Variants in GSPT1 observed in about 807,000 individuals in gnomAD.
The protein encoded by GSPT1 is G1 to S phase transition 1.
GSPT1 carries 20 observed loss-of-function variants against 72.5 expected under a neutral mutation model. The ratio of observed to expected loss-of-function variants is 0.28; its 90% confidence interval spans 0.19 to 0.40. GSPT1 has a LOEUF of 0.40. GSPT1 is among the 10% of genes least tolerant of loss of function. The pLI is 1.00. For synonymous variants in GSPT1, 334 were observed against 293.5 expected, an observed-to-expected ratio of 1.14 and a Z score of -1.41; for missense variants, 580 against 811.9, an observed-to-expected ratio of 0.71 and a Z score of 3.47.
chr16:11,896,569 A>G lies in GSPT1; in HGVS notation c.653T>C (p.Ile218Thr), dbSNP rs751373662. 2.5e-6 allele frequency: 4 copies of G among 1,590,424 alleles called. No homozygotes were observed. Among genetic ancestry groups the G allele is most frequent in the Middle Eastern group, 1.7e-4 (1 of 6,034 alleles). Residue 218 changes from isoleucine to threonine, a missense_variant, in exon 4 of 15, where the codon ATT becomes ACT. By Grantham distance (89) the Ile-to-Thr change is moderately conservative (BLOSUM62 -1). Around this residue, in one of 6 missense-constraint regions of GSPT1, gnomAD observed 51 missense variants for 118.2 expected, o/e 0.43. Transcript: ENST00000434724. ...PKKEHVNVVFIGHVDAGKSTI... is the reference protein window; with the variant it reads ...PKKEHVNVVFTGHVDAGKSTI... Reference sequence around the variant, plus strand: ...TGAGAGCAGCTTACCTACGTGCCCAATGAATACTACATTTACATGCTCTTT... The same window carrying G: ...TGAGAGCAGCTTACCTACGTGCCCAGTGAATACTACATTTACATGCTCTTT...
At chr16:11,912,151 T>G (rs1307713550) in intron 1 of GSPT1, among the ~76,000 whole-genome samples, 1 of 149,778 alleles carries the variant, frequency 6.7e-6, no homozygotes, top group East Asian at 2.0e-4. Flanking sequence ...AAGACCAGCC[T>G]AGCCAACATG....
chr16:11,886,400 T>C (rs984794478), intron 9 of GSPT1, 71 bp downstream of exon 9: 10 of 975,214 alleles, frequency 1.0e-5, no homozygotes, highest in Non-Finnish European at 1.6e-5. Flanking sequence ...TTACTCAGCA[T>C]ATGTCTTTAT....
intron 1 of GSPT1, among the ~76,000 whole-genome samples, 153 bp from the exon 2 acceptor site, chr16:11,898,188 T>G (rs894657458): frequency 3.9e-5 from 6 of 152,224 alleles, no homozygotes; most frequent in African/African-American, 1.4e-4. Flanking sequence ...GCCTTCAAGT[T>G]AGAAGTCTCT....
Position 11,915,555 on chromosome 16 carries a change from C to A in GSPT1, c.166G>T (p.Ala56Ser), listed in dbSNP as rs1270627672. Residue 56 changes from alanine to serine, a missense_variant, in exon 1 of 15, where the codon GCC (alanine) becomes TCC (serine). Ala to Ser is a moderately conservative substitution (Grantham distance 99). This residue lies in a region of GSPT1 where 327 missense variants were observed against 298.8 expected (regional missense o/e 1.09). Coordinates refer to ENST00000434724, the MANE Select transcript of GSPT1 (RefSeq NM_002094.4). ...GGGSLAAAAE[A>S]QRENLSAAFS... is the part of the protein sequence containing the mutation. The stretch of plus-strand genomic sequence containing the variant: ...GCCGCGCTGAGGTTCTCCCGCTGGG[C>A]CTCGGCCGCCGCCGCCAGGGAGCCG... 6.7e-7 allele frequency: 1 copy of A among 1,494,068 alleles called. No homozygotes were observed. Among genetic ancestry groups the A allele is most frequent in the Non-Finnish European group, 8.9e-7 (1 of 1,121,758 alleles). 92.6% of individuals were successfully genotyped at this position (1,494,068 alleles called of 1,614,324 possible).
rs373939888 is a variant in GSPT1 at position 11,915,442 on chromosome 16, C to G, written c.279G>C (p.Pro93=). 1.8e-5 allele frequency: 28 copies of G among 1,530,080 alleles called. No individual in the cohort carries two copies. Among genetic ancestry groups the G allele is most frequent in the East Asian group, 2.8e-5 (1 of 35,972 alleles). 94.8% of individuals were successfully genotyped at this position (1,530,080 alleles called of 1,614,324 possible). A position where few individuals can be genotyped will look rare whatever the true frequency, so the allele number is the denominator to read the frequency against. The change falls in exon 1 of 15, where the codon CCG becomes CCC. Residue 93 remains proline, a synonymous_variant. Transcript: ENST00000434724. The part of the protein sequence containing the change: ...AEFVPSFLRG[P]AAPPPPVGGA... The stretch of plus-strand genomic sequence containing the variant: ...CGCCAACTGGGGGTGGCGGCGCTGC[C>G]GGGCCCCGCAGGAAGGACGGCACGA...
At chr16:11,903,423 C>G (rs1447121790) in intron 1 of GSPT1, among the ~76,000 whole-genome samples, 3 of 152,160 alleles carry the variant, frequency 2.0e-5, no homozygotes, top group Non-Finnish European at 4.4e-5. Context: ...CCAGGAGAAT[C>G]TGGCAATCTT....
intron 11 of GSPT1, among the ~76,000 whole-genome samples, chr16:11,879,884 C>A (rs1393568443): frequency 6.6e-6 from 1 of 151,856 alleles, no homozygotes; most frequent in Non-Finnish European, 1.5e-5. Flanking sequence ...CAAAATTTAC[C>A]ATCATAACCA....
intron 1 of GSPT1, among the ~76,000 whole-genome samples, chr16:11,911,827 C>T (rs575957089): frequency 2.2e-4 from 31 of 137,896 alleles, no homozygotes; most frequent in Non-Finnish European, 3.7e-4. Flanking sequence ...GCTGGGATTA[C>T]AGGCATGAGC....
chr16:11,878,168 T>A (rs557592223), intron 11 of GSPT1, among the ~76,000 whole-genome samples: 3 of 152,308 alleles, frequency 2.0e-5, no homozygotes, highest in African/African-American at 7.2e-5. Flanking sequence ...CAGGCTGGAG[T>A]GCAGTGGTGC....
At position 11,877,068 on chromosome 16, in the gene GSPT1, G is replaced by C. The variant is rs1162551827; in HGVS notation, c.1602+339C>G. ...TGTGATTTCTTGTCTGGAAAGCTAT[G>C]TGCTGTCAATGAGCACATAAACCAT... On this transcript the variant is annotated intron_variant, in intron 12 of 14. Transcript: ENST00000434724. This position sits in a 1 kb window ranked among gnomAD's most constrained non-coding sequence, Gnocchi z 4.0. 3.3e-5 allele frequency among the ~76,000 whole-genome samples: 5 copies of C among 152,206 alleles called. No homozygotes were observed. Among genetic ancestry groups the C allele is most frequent in the East Asian group, 3.9e-4 (2 of 5,192 alleles).
intron 11 of GSPT1, among the ~76,000 whole-genome samples, chr16:11,878,923 A>C (rs1165745187): frequency 6.6e-6 from 1 of 151,636 alleles, no homozygotes. Context: ...AAGAAAAAAA[A>C]CAATTAGCTT....
chr16:11,916,207 C>T (rs1033776664), upstream of GSPT1: 7 of 338,114 alleles, frequency 2.1e-5, no homozygotes, highest in African/African-American at 1.1e-4. Context: ...GAAGCGGCTC[C>T]GGCTCCCGGC....
chr16:11,891,166 G>A (rs1389678619), intron 5 of GSPT1, 27 bp from the exon 6 acceptor site: 5 of 1,149,788 alleles, frequency 4.3e-6, no homozygotes, highest in South Asian at 1.5e-5. Context: ...AAAAAAAAAA[G>A]TAAACAATTA....
intron 5 of GSPT1, among the ~76,000 whole-genome samples, chr16:11,892,847 A>AAG (rs1158924131): frequency 6.7e-6 from 1 of 149,568 alleles, no homozygotes; most frequent in Non-Finnish European, 1.5e-5. Flanking sequence ...AAAAAAAAAA[A>AAG]AAAAAAAAGA....
intron 10 of GSPT1, among the ~76,000 whole-genome samples, chr16:11,883,326 G>A (rs1461647825): frequency 2.0e-5 from 3 of 151,790 alleles, no homozygotes; most frequent in Admixed American, 6.6e-5. Flanking sequence ...AAAAGAAAAT[G>A]GCACAAGCTG....
chr16:11,905,159 C>G (rs951214918), intron 1 of GSPT1, among the ~76,000 whole-genome samples: 43 of 152,196 alleles, frequency 2.8e-4, no homozygotes, highest in Non-Finnish European at 5.9e-5. Context: ...AACTTCGGAT[C>G]TGTCACAGAA....
chr16:11,891,431 G>A (rs917487492), intron 5 of GSPT1, among the ~76,000 whole-genome samples: 4 of 149,176 alleles, frequency 2.7e-5, no homozygotes, highest in African/African-American at 9.9e-5. Flanking sequence ...GCACAATCTC[G>A]GCTCACTGCA....
chr16:11,906,780 G>A (rs1216055592), intron 1 of GSPT1, among the ~76,000 whole-genome samples: 1 of 152,162 alleles, frequency 6.6e-6, no homozygotes, highest in Non-Finnish European at 1.5e-5. Context: ...AAATCCAGCA[G>A]CCAACAAGTC....
intron 1 of GSPT1, among the ~76,000 whole-genome samples, chr16:11,903,110 T>C (rs942677802): frequency 6.6e-6 from 1 of 152,168 alleles, no homozygotes; most frequent in Non-Finnish European, 1.5e-5. Context: ...CAACAGTATG[T>C]CTGTTTTCTG....
Sources: allele counts gnomAD v4.1 joint callset (sites outside exome capture counted in the v4.1 genomes callset), GRCh38; gene constraint gnomAD v4.1.1; regional missense constraint gnomAD v4.1.1; non-coding constraint Gnocchi (gnomAD v3.1); transcripts MANE v1.5; gene names NCBI Gene and HGNC (gene_info 2026-07-23, HGNC 2026-07-21).